Variants in UGT2A3 observed in about 807,000 individuals in gnomAD.
The protein encoded by UGT2A3 is UDP-glucuronosyltransferase 2A3.
Under a neutral mutation model 44.1 loss-of-function variants are expected in UGT2A3, and 55 were observed. The ratio of observed to expected loss-of-function variants is 1.25; its 90% confidence interval spans 1.00 to 1.56. UGT2A3 has a LOEUF of 1.56. UGT2A3 is among the 40% of genes most tolerant of loss of function. The probability of loss-of-function intolerance (pLI) is 0.00; values close to 1 mark genes in which losing one functional copy is unlikely to be tolerated. For missense variants in UGT2A3, 733 were observed against 621.6 expected (o/e 1.18, Z -1.91); for synonymous variants, 243 against 215.1 (o/e 1.13, Z -1.13).
intron 1 of UGT2A3, among the ~76,000 whole-genome samples, chr4:68,947,206 G>T (rs910142982): frequency 6.6e-6 from 1 of 151,654 alleles, no homozygotes; most frequent in Non-Finnish European, 1.5e-5. Context: ...CCTTGATGCT[G>T]CCTTATCTAC....
At chr4:68,949,253 T>G (rs995347870) in intron 1 of UGT2A3, among the ~76,000 whole-genome samples, 1 of 151,856 alleles carries the variant, frequency 6.6e-6, no homozygotes, top group Non-Finnish European at 1.5e-5. Flanking sequence ...TCCTTTATAT[T>G]TTTGGTTTAA....
In UGT2A3 at chr4:68,932,658, A is replaced by T. The variant is rs762902994; in HGVS notation, c.966T>A (p.Ile322=). The T allele has an allele frequency of 6.2e-7, 1 of 1,611,370 alleles. No homozygotes were observed. The highest frequency in any genetic ancestry group is 8.5e-7 in the Non-Finnish European group (1 of 1,178,518). The stretch of plus-strand genomic sequence containing the variant: ...GTGGGATCTGGGCAAGGGCTGAAGC[A>T]ATGATATTAGCCTTTTCTTCTGTAA... ...QNVTEEKANI[I]ASALAQIPQK... The change falls in exon 3 of 6, where the codon ATT becomes ATA. Residue 322 remains isoleucine (I), a synonymous_variant. Transcript: ENST00000251566.
intron 1 of UGT2A3, among the ~76,000 whole-genome samples, chr4:68,945,730 AGG>A (rs1453332047): frequency 4.2e-5 from 3 of 71,378 alleles, no homozygotes; most frequent in Non-Finnish European, 9.7e-5. Flanking sequence ...GAAGGAAGGA[AGG>A]AAAGAAGGAA....
At chr4:68,943,955 T>C (rs995294052) in intron 2 of UGT2A3, among the ~76,000 whole-genome samples, 1 of 151,850 alleles carries the variant, frequency 6.6e-6, no homozygotes, top group Non-Finnish European at 1.5e-5. Context: ...CCAGTTAACA[T>C]TTTGGCACAT....
rs370602796 is a variant in UGT2A3 at position 68,937,926 on chromosome 4, T to C, written c.865-5167A>G. On this transcript the variant is annotated intron_variant, in intron 2 of 5. Coordinates refer to ENST00000251566, the MANE Select transcript of UGT2A3 (RefSeq NM_024743.4). ...TACAAACTACCGTCAGAGAATATTA[T>C]AAACACCTGTATGCAAATAAACTAG... 3.6e-4 allele frequency among the ~76,000 whole-genome samples: 55 copies of C among 152,180 alleles called. No homozygotes were observed. In the East Asian group the frequency reaches 6.8e-3, roughly 19 times the overall value.
rs3749510 is a variant in UGT2A3, at chr4:68,951,362, C to A, written c.399G>T (p.Thr133=). 1.4e-5 allele frequency: 22 copies of A among 1,612,276 alleles called. No homozygotes were observed. Among genetic ancestry groups the A allele is most frequent in the East Asian group, 9.0e-5 (4 of 44,684 alleles). Residue 133 remains threonine (T), a synonymous_variant, in exon 1 of 6, where the codon ACG becomes ACT. Coordinates refer to ENST00000251566, the MANE Select transcript of UGT2A3 (RefSeq NM_024743.4). ...MMCESFIYNQ[T]LMKKLQETNY... ...TGGTTTCCTGTAGCTTCTTCATAAG[C>A]GTCTGATTGTAGATAAAGCTCTCAC...
chr4:68,945,292 T>C lies in UGT2A3; in HGVS notation c.864+14A>G, dbSNP rs1718341805. ...TCATAAAGTACATAATATTCCTTAATACAATAGTCCTACCTTAGGCAAAGC... is the reference window on the plus strand; with the variant it reads ...TCATAAAGTACATAATATTCCTTAACACAATAGTCCTACCTTAGGCAAAGC... On this transcript the variant is annotated intron_variant, in intron 2 of 5. Coordinates refer to ENST00000251566, the MANE Select transcript of UGT2A3 (RefSeq NM_024743.4). 3 of 1,610,518 alleles carry C rather than the reference T, an allele frequency of 1.9e-6. No individual in the cohort carries two copies. Among genetic ancestry groups the C allele is most frequent in the Non-Finnish European group, 2.5e-6 (3 of 1,177,942 alleles).
chr4:68,936,888 C>CAAAAAAAA lies in UGT2A3; in HGVS notation c.865-4137_865-4130dup, dbSNP rs56737078. ...GAAGATCTACAAAGTAAATGGAAAG[C>CAAAAAAAA]AAAAAAAAAAAAAAAAAAAAAGCAG... On this transcript the variant is annotated intron_variant, in intron 2 of 5. Coordinates refer to ENST00000251566, the MANE Select transcript of UGT2A3 (RefSeq NM_024743.4). Among the ~76,000 whole-genome samples, 82 of 46,312 alleles carry CAAAAAAAA rather than the reference C, an allele frequency of 1.8e-3. 5 individuals carry two copies. Among genetic ancestry groups the CAAAAAAAA allele is most frequent in the East Asian group, 2.4e-3 (3 of 1,276 alleles). 30.4% of individuals were successfully genotyped at this position (46,312 alleles called of 152,430 possible).
At chr4:68,931,330 A>T in intron 3 of UGT2A3, 88 bp from the exon 4 acceptor site, 1 of 1,061,422 alleles carries the variant, frequency 9.4e-7, no homozygotes, top group Admixed American at 2.2e-5. Context: ...TTATAAACTC[A>T]TTGTACTTCA....
At chr4:68,938,609 A>G (rs1426309940) in intron 2 of UGT2A3, among the ~76,000 whole-genome samples, 1 of 152,200 alleles carries the variant, frequency 6.6e-6, no homozygotes, top group Non-Finnish European at 1.5e-5. Context: ...CTGAGTGGGC[A>G]AAAACTGGAA....
chr4:68,947,198 T>C (rs1718412808), intron 1 of UGT2A3, among the ~76,000 whole-genome samples: 2 of 151,758 alleles, frequency 1.3e-5, no homozygotes, highest in South Asian at 4.1e-4. Flanking sequence ...CTCTCAAACC[T>C]TGATGCTGCC....
Position 68,935,543 on chromosome 4 carries a change from AC to A in UGT2A3, c.865-2785del, listed in dbSNP as rs542623691. Among the ~76,000 whole-genome samples the A allele has an allele frequency of 3.4e-3, 515 of 151,742 alleles. 5 individuals carry two copies. Among genetic ancestry groups the A allele is most frequent in the African/African-American group, 0.012 (493 of 41,410 alleles). On this transcript the variant is annotated intron_variant, in intron 2 of 5. Coordinates refer to ENST00000251566, the MANE Select transcript of UGT2A3 (RefSeq NM_024743.4). ...CAATAAAAAGGACATCCACACCAAA[AC>A]CCCATCTGTAGGTCACCAACATCAA...
rs1385252767 is a variant in UGT2A3 at position 68,951,251 on chromosome 4, A to T, written c.510T>A (p.Leu170=). The part of the protein sequence containing the change: ...ELLAVPFVLT[L]RISVGGNMER... ...CCATATTGCCTCCTACAGAAATTCT[A>T]AGTGTGAGCACAAAAGGGACTGCAA... Residue 170 remains leucine, a synonymous_variant, in exon 1 of 6, where the codon CTT becomes CTA. Coordinates refer to ENST00000251566, the MANE Select transcript of UGT2A3 (RefSeq NM_024743.4). 41 of 1,611,690 alleles carry T rather than the reference A, an allele frequency of 2.5e-5. No homozygotes were observed. The highest frequency in any genetic ancestry group is 3.5e-5 in the Non-Finnish European group (41 of 1,178,896).
chr4:68,942,504 G>GATATATATATATATACATATAT (rs1247401024), intron 2 of UGT2A3, among the ~76,000 whole-genome samples: 2 of 131,030 alleles, frequency 1.5e-5, no homozygotes, highest in African/African-American at 6.0e-5. Context: ...TTCCACTGGA[G>GATATATATATATATACATATAT]ATATATATAT....
intron 2 of UGT2A3, among the ~76,000 whole-genome samples, chr4:68,940,745 TACATATATATAATATAC>T (rs1718154145): frequency 6.8e-6 from 1 of 146,670 alleles, no homozygotes; most frequent in Non-Finnish European, 1.5e-5. Flanking sequence ...TACACATATA[TACATATATATAATATAC>T]ACATATATAC....
intron 2 of UGT2A3, among the ~76,000 whole-genome samples, chr4:68,938,553 C>A (rs1198762149): frequency 2.0e-5 from 3 of 152,104 alleles, no homozygotes; most frequent in South Asian, 2.1e-4. Context: ...GAACACATTT[C>A]AAAATAATAA....
At position 68,930,776 on chromosome 4, in the gene UGT2A3, A is replaced by T; in HGVS notation, c.1085-11T>A. 6.4e-7 allele frequency: 1 copy of T among 1,558,430 alleles called. No individual in the cohort carries two copies. The highest frequency in any genetic ancestry group is 1.2e-5 in the South Asian group (1 of 82,540). On this transcript the variant is annotated splice_polypyrimidine_tract_variant and intron_variant, in intron 4 of 5. Transcript: ENST00000251566. Reference sequence around the variant, plus strand: ...TGGTTTTGGGATGACCTAGTATGTAAATTGGATGAGAAATGGTGAGATATT... The same window carrying T: ...TGGTTTTGGGATGACCTAGTATGTATATTGGATGAGAAATGGTGAGATATT...
In UGT2A3 at chr4:68,951,333, T is replaced by C. The variant is rs1486946225; in HGVS notation, c.428A>G (p.Tyr143Cys). Residue 143 changes from tyrosine (Y) to cysteine (C), a missense_variant, in exon 1 of 6, where the codon TAC becomes TGC. Tyr to Cys is a radical substitution (Grantham distance 194, BLOSUM62 -2). Coordinates refer to ENST00000251566, the MANE Select transcript of UGT2A3 (RefSeq NM_024743.4). ...TLMKKLQETN[Y>C]DVMLIDPVIP... Reference sequence around the variant, plus strand: ...CACAGGGTCTATAAGCATTACATCGTAGTTGGTTTCCTGTAGCTTCTTCAT... The same window carrying C: ...CACAGGGTCTATAAGCATTACATCGCAGTTGGTTTCCTGTAGCTTCTTCAT... 2 of 1,612,620 alleles carry C rather than the reference T, an allele frequency of 1.2e-6. No homozygotes were observed. Among genetic ancestry groups the C allele is most frequent in the Non-Finnish European group, 1.7e-6 (2 of 1,179,200 alleles).
rs1717654804 is a variant in UGT2A3 at position 68,929,841 on chromosome 4, T to C, written c.1556A>G (p.Lys519Arg). ...TTCCCTCTTTTCTATCTTTCTAGTT[T>C]TATTAAATTTTTGACAGGAAAATAA... ...CFLFSCQKFN[K>R]TRKIEKRE is the part of the protein sequence containing the mutation. The change falls in exon 6 of 6, where the codon AAA (lysine) becomes AGA (arginine). Residue 519 changes from lysine to arginine, a missense_variant. Coordinates refer to ENST00000251566, the MANE Select transcript of UGT2A3 (RefSeq NM_024743.4). 6.2e-7 allele frequency: 1 copy of C among 1,605,572 alleles called. No individual in the cohort carries two copies. The highest frequency in any genetic ancestry group is 1.7e-5 in the Admixed American group (1 of 59,146).
Sources: allele counts gnomAD v4.1 joint callset (sites outside exome capture counted in the v4.1 genomes callset), GRCh38; gene constraint gnomAD v4.1.1; transcripts MANE v1.5; gene names NCBI Gene and HGNC (gene_info 2026-07-23, HGNC 2026-07-21).